SEM1: variants seen among roughly 807,000 people sequenced by gnomAD.
The protein encoded by SEM1 is SEM1 26S proteasome subunit.
In SEM1, 3 loss-of-function variants were observed where a neutral mutation model predicts 12.7. The ratio of observed to expected loss-of-function variants is 0.24; its 90% CI spans 0.11 to 0.61. SEM1 has a LOEUF of 0.61. Ranked by LOEUF, SEM1 falls within the 20% of genes least tolerant of loss-of-function variation. The pLI, the probability that SEM1 is intolerant of heterozygous loss-of-function variation, is 0.88. For missense variants in SEM1, 59 were observed against 81.3 expected, an observed-to-expected ratio of 0.73 and a Z score of 1.06; for synonymous variants, 30 against 27.8, an observed-to-expected ratio of 1.08 and a Z score of -0.25.
At chr7:96,588,105 A>G (rs934900681) in intron 2 of SEM1, among the ~76,000 whole-genome samples, 2 of 152,208 alleles carry the variant, frequency 1.3e-5, no homozygotes, top group African/African-American at 4.8e-5. Flanking sequence ...CAGATGGCTC[A>G]GGCCTATAAT....
intron 1 of SEM1, chr7:96,708,356 T>C (rs1790535774): frequency 6.6e-6 from 1 of 152,218 alleles, no homozygotes; most frequent in African/African-American, 2.4e-5. Flanking sequence ...ACACTAATGT[T>C]CTCTTCCACT....
intron 1 of SEM1, among the ~76,000 whole-genome samples, chr7:96,703,650 T>C (rs988952426): frequency 3.0e-5 from 2 of 67,336 alleles, no homozygotes; most frequent in African/African-American, 6.7e-5. Context: ...CATATTCCAT[T>C]TTTTTTTTTT....
At chr7:96,666,537 ATAAT>A (rs997803645) in intron 2 of SEM1, among the ~76,000 whole-genome samples, 2 of 152,230 alleles carry the variant, frequency 1.3e-5, no homozygotes, top group Admixed American at 6.5e-5. Context: ...GTATGATATT[ATAAT>A]TAATATAATG....
intron 2 of SEM1, among the ~76,000 whole-genome samples, chr7:96,555,868 G>A (rs1805473338): frequency 6.7e-6 from 1 of 149,232 alleles, no homozygotes; most frequent in African/African-American, 2.5e-5. Flanking sequence ...ATGAATCTGG[G>A]TGCTCCTGTA....
intron 2 of SEM1, among the ~76,000 whole-genome samples, chr7:96,584,294 C>T (rs1475485186): frequency 6.6e-6 from 1 of 152,018 alleles, no homozygotes; most frequent in Non-Finnish European, 1.5e-5. Flanking sequence ...TGAATATTGG[C>T]CCCCACTCTC....
At chr7:96,558,281 A>C (rs1389241267) in intron 2 of SEM1, 1 of 152,492 alleles carries the variant, frequency 6.6e-6, no homozygotes, top group Non-Finnish European at 1.5e-5. Flanking sequence ...AACAGAAAAG[A>C]AGCAAAGGGC....
chr7:96,530,772 A>T lies in SEM1; in HGVS notation c.171-24074T>A, dbSNP rs1272480892. On this transcript the variant is annotated intron_variant and NMD_transcript_variant, in intron 2 of 3. Transcript: ENST00000466986. Reference sequence around the variant, plus strand: ...GTGCCTGTAAGTTGCCTAGGAGTGGATTCAAAACATCTGAGAAGGATAGGG... The same window carrying T: ...GTGCCTGTAAGTTGCCTAGGAGTGGTTTCAAAACATCTGAGAAGGATAGGG... Among the ~76,000 whole-genome samples, 4 of 152,108 alleles carry T rather than the reference A, an allele frequency of 2.6e-5. No individual in the cohort carries two copies. In the East Asian group the frequency reaches 7.7e-4, roughly 29 times the overall value.
chr7:96,694,075 T>A (rs1790015401), intron 2 of SEM1, among the ~76,000 whole-genome samples: 1 of 151,812 alleles, frequency 6.6e-6, no homozygotes. Context: ...TTATGCTAAG[T>A]GAAAAAAGGT....
intron 2 of SEM1, among the ~76,000 whole-genome samples, chr7:96,586,724 T>G (rs1806649200): frequency 6.6e-6 from 1 of 152,182 alleles, no homozygotes; most frequent in Non-Finnish European, 1.5e-5. Context: ...GGGCAGAATG[T>G]TATGTGTTTT....
intron 1 of SEM1, among the ~76,000 whole-genome samples, chr7:96,492,970 T>A (rs1002230204): frequency 6.6e-6 from 1 of 151,960 alleles, no homozygotes; most frequent in Non-Finnish European, 1.5e-5. Context: ...AAGATTAGAA[T>A]GTTTTGTTTG....
intron 2 of SEM1, among the ~76,000 whole-genome samples, chr7:96,596,719 G>GT (rs1319604506): frequency 2.6e-5 from 4 of 152,090 alleles, no homozygotes; most frequent in East Asian, 3.9e-4. Flanking sequence ...AAATTGTTTG[G>GT]TTTTAGATTA....
At chr7:96,568,491 A>T (rs571743237) in intron 2 of SEM1, among the ~76,000 whole-genome samples, 2 of 151,802 alleles carry the variant, frequency 1.3e-5, no homozygotes, top group East Asian at 3.9e-4. Flanking sequence ...TAGTTTCTTC[A>T]TTCTGATTTC....
At chr7:96,486,480 G>A (rs1802774695) in intron 1 of SEM1, 1 of 1,334,122 alleles carries the variant, frequency 7.5e-7, no homozygotes, top group African/African-American at 1.5e-5. Flanking sequence ...GAGGAGGCGG[G>A]CACCTGTTCC....
chr7:96,536,911 A>C (rs1804802872), intron 2 of SEM1, among the ~76,000 whole-genome samples: 1 of 151,804 alleles, frequency 6.6e-6, no homozygotes, highest in African/African-American at 2.4e-5. Flanking sequence ...AGTCACATTT[A>C]AAGTAACTAT....
intron 2 of SEM1, among the ~76,000 whole-genome samples, chr7:96,676,454 AG>A (rs1789450701): frequency 6.6e-6 from 1 of 152,228 alleles, no homozygotes; most frequent in Non-Finnish European, 1.5e-5. Flanking sequence ...AATTATTAAA[AG>A]GGTTGAAATT....
upstream of SEM1, among the ~76,000 whole-genome samples, chr7:96,496,658 T>G (rs1325848174): frequency 1.3e-5 from 2 of 152,132 alleles, no homozygotes; most frequent in African/African-American, 4.8e-5. Flanking sequence ...AACGTAAGAT[T>G]TAAGAGTAAT....
intron 2 of SEM1, among the ~76,000 whole-genome samples, chr7:96,554,647 C>T (rs185419666): frequency 6.6e-6 from 1 of 151,808 alleles, no homozygotes; most frequent in African/African-American, 2.4e-5. Flanking sequence ...GGATATTGGT[C>T]TAACATTCTC....
intron 2 of SEM1, among the ~76,000 whole-genome samples, chr7:96,552,939 T>C (rs1805336224): frequency 6.6e-6 from 1 of 150,774 alleles, no homozygotes; most frequent in South Asian, 2.1e-4. Flanking sequence ...ATTTCTCTGA[T>C]GGCCAGTGAT....
intron 1 of SEM1, among the ~76,000 whole-genome samples, chr7:96,698,372 C>T (rs1188480766): frequency 6.6e-6 from 1 of 151,954 alleles, no homozygotes; most frequent in East Asian, 1.9e-4. Flanking sequence ...GGTTTTAAGT[C>T]CCACACGAAT....
Sources: allele counts gnomAD v4.1 joint callset (sites outside exome capture counted in the v4.1 genomes callset), GRCh38; gene constraint gnomAD v4.1.1; transcripts MANE v1.5; gene names NCBI Gene and HGNC (gene_info 2026-07-23, HGNC 2026-07-21).